The following ZBTB20 variants were observed in gnomAD, a reference collection of about 807,000 sequenced individuals.
The protein encoded by ZBTB20 is zinc finger and BTB domain-containing protein 20.
A neutral mutation model predicts 56.9 loss-of-function variants in ZBTB20; 9 were observed. The ratio of observed to expected loss-of-function variants is 0.16; its 90% CI spans 0.10 to 0.28. ZBTB20 has a LOEUF of 0.28. ZBTB20 is among the 10% of genes least tolerant of loss of function. ZBTB20 has a pLI of 1.00. For synonymous variants in ZBTB20, 417 were observed against 420.7 expected (o/e 0.99, Z 0.11); for missense variants, 655 against 1,003.0 (o/e 0.65, Z 4.69).
intron 6 of ZBTB20, among the ~76,000 whole-genome samples, chr3:114,513,443 T>C (rs2045631316): frequency 6.6e-6 from 1 of 152,194 alleles, no homozygotes; most frequent in Admixed American, 6.5e-5. Context: ...GCTTATGTTC[T>C]TTCACACTTA....
At chr3:114,978,821 A>C (rs2078212685) in intron 2 of ZBTB20, among the ~76,000 whole-genome samples, 1 of 151,978 alleles carries the variant, frequency 6.6e-6, no homozygotes, top group Non-Finnish European at 1.5e-5. Context: ...AATAAAAACA[A>C]ATTACTTTTT....
At chr3:114,800,464 A>T (rs928428911) in intron 5 of ZBTB20, among the ~76,000 whole-genome samples, 2 of 151,890 alleles carry the variant, frequency 1.3e-5, no homozygotes, top group African/African-American at 4.8e-5. Context: ...GCATTTATGG[A>T]ACAATGGGGC....
At chr3:115,108,289 G>T (rs531811002) in intron 1 of ZBTB20, among the ~76,000 whole-genome samples, 1 of 152,252 alleles carries the variant, frequency 6.6e-6, no homozygotes, top group African/African-American at 2.4e-5. Flanking sequence ...GGCTGAAGTT[G>T]GCTTCAGAGT....
intron 7 of ZBTB20, among the ~76,000 whole-genome samples, chr3:114,426,337 C>CAAAAAAAAAAAAAAAAAA (rs60778829): frequency 9.1e-6 from 1 of 109,518 alleles, no homozygotes; most frequent in African/African-American, 4.3e-5. Flanking sequence ...GACTCCATCT[C>CAAAAAAAAAAAAAAAAAA]AAAAAAAAAA....
chr3:114,709,035 G>C (rs2063886462), intron 5 of ZBTB20, among the ~76,000 whole-genome samples: 1 of 151,948 alleles, frequency 6.6e-6, no homozygotes, highest in African/African-American at 2.4e-5. Context: ...TGTATGTGTT[G>C]CATTCTAAAA....
chr3:114,544,217 T>C (rs1050328440), intron 6 of ZBTB20, among the ~76,000 whole-genome samples: 2 of 152,222 alleles, frequency 1.3e-5, no homozygotes, highest in African/African-American at 4.8e-5. Context: ...CAATAGCTTA[T>C]TTAAATCATT....
intron 4 of ZBTB20, among the ~76,000 whole-genome samples, chr3:114,848,585 G>T (rs762261365): frequency 2.6e-5 from 4 of 152,184 alleles, no homozygotes; most frequent in Non-Finnish European, 5.9e-5. Context: ...AGCTGGCTCA[G>T]TGTCTCTACA....
chr3:115,017,340 T>C (rs941058166), intron 2 of ZBTB20, among the ~76,000 whole-genome samples: 1 of 151,544 alleles, frequency 6.6e-6, no homozygotes, highest in Non-Finnish European at 1.5e-5. Flanking sequence ...GAAGGACCTC[T>C]TCAAGGACAG....
intron 6 of ZBTB20, among the ~76,000 whole-genome samples, chr3:114,616,302 C>T (rs2057938001): frequency 6.6e-6 from 1 of 152,200 alleles, no homozygotes; most frequent in African/African-American, 2.4e-5. Context: ...GCAGCAAACT[C>T]TCCAGGATTT....
In ZBTB20 at chr3:114,995,431, A is replaced by C. The variant is rs1480681718; in HGVS notation, c.-506-21015T>G. 2.0e-5 allele frequency among the ~76,000 whole-genome samples: 3 copies of C among 151,890 alleles called. 1 individual carries two copies. Among genetic ancestry groups the C allele is most frequent in the Middle Eastern group, 6.3e-3 (2 of 316 alleles). ...AGCATGCCATTCTAAATCCCAGGACATCTGGTTACTGTTAGACCTGCTTTT... is the reference window on the plus strand; with the variant it reads ...AGCATGCCATTCTAAATCCCAGGACCTCTGGTTACTGTTAGACCTGCTTTT... On this transcript the variant is annotated intron_variant, in intron 2 of 11. Coordinates refer to ENST00000675478, the MANE Select transcript of ZBTB20 (RefSeq NM_001348800.3).
chr3:115,109,657 A>G (rs2083819492), intron 1 of ZBTB20, among the ~76,000 whole-genome samples: 1 of 152,202 alleles, frequency 6.6e-6, no homozygotes, highest in African/African-American at 2.4e-5. Flanking sequence ...GCTTTATAAA[A>G]TTACTCCAAA....
At chr3:114,624,979 G>A (rs1283937458) in intron 6 of ZBTB20, 3 of 152,538 alleles carry the variant, frequency 2.0e-5, no homozygotes, top group Non-Finnish European at 4.4e-5. Context: ...CTAGTCCTTC[G>A]ACTCCTGTCC....
At chr3:114,601,594 T>G (rs941762751) in intron 6 of ZBTB20, among the ~76,000 whole-genome samples, 1 of 151,984 alleles carries the variant, frequency 6.6e-6, no homozygotes, top group African/African-American at 2.4e-5. Flanking sequence ...GATTAATAGA[T>G]AGCTAAATAT....
chr3:114,810,601 T>C (rs1242066559), intron 4 of ZBTB20, among the ~76,000 whole-genome samples: 1 of 152,236 alleles, frequency 6.6e-6, no homozygotes, highest in African/African-American at 2.4e-5. Context: ...ACTGTGCTAG[T>C]TGTCCCAACA....
chr3:114,496,041 G>C (rs955509036), intron 7 of ZBTB20, among the ~76,000 whole-genome samples: 1 of 151,806 alleles, frequency 6.6e-6, no homozygotes, highest in Non-Finnish European at 1.5e-5. Flanking sequence ...CTATCCTCTG[G>C]GACATTTACA....
chr3:114,937,699 G>C (rs2076588230), intron 3 of ZBTB20, among the ~76,000 whole-genome samples: 1 of 152,120 alleles, frequency 6.6e-6, no homozygotes, highest in Admixed American at 6.5e-5. Context: ...GGAATTACAG[G>C]AGTGAGCCAC....
At chr3:114,989,979 T>C (rs2078728814) in intron 2 of ZBTB20, among the ~76,000 whole-genome samples, 1 of 152,224 alleles carries the variant, frequency 6.6e-6, no homozygotes, top group Non-Finnish European at 1.5e-5. Flanking sequence ...CTGAAGTTGC[T>C]TATCAGCTTA....
intron 5 of ZBTB20, among the ~76,000 whole-genome samples, chr3:114,746,814 T>C (rs1578666225): frequency 6.6e-6 from 1 of 152,248 alleles, no homozygotes; most frequent in Non-Finnish European, 1.5e-5. Context: ...AGAATCTATA[T>C]TGAAAATTTA....
chr3:114,431,314 G>A (rs1199590814), intron 7 of ZBTB20, among the ~76,000 whole-genome samples: 1 of 152,120 alleles, frequency 6.6e-6, no homozygotes, highest in African/African-American at 2.4e-5. Flanking sequence ...ACCCTCAGTA[G>A]GCAGGATGGT....
Sources: allele counts gnomAD v4.1 joint callset (sites outside exome capture counted in the v4.1 genomes callset), GRCh38; gene constraint gnomAD v4.1.1; transcripts MANE v1.5; gene names NCBI Gene and HGNC (gene_info 2026-07-23, HGNC 2026-07-21).